Variants in PLCL2 observed in about 807,000 individuals in gnomAD.
PLCL2 encodes the protein phospholipase C like 2.
A neutral mutation model predicts 79.6 loss-of-function variants in PLCL2; 4 were observed. That is an observed-to-expected ratio of 0.05 (90% confidence interval 0.02 to 0.11). The LOEUF (loss-of-function observed/expected upper bound fraction) is 0.11, where lower values mean the gene tolerates loss of function less well. Ranked by LOEUF, PLCL2 falls within the 10% of genes least tolerant of loss-of-function variation. PLCL2 has a pLI of 1.00. For synonymous variants in PLCL2, 484 were observed against 457.7 expected, an observed-to-expected ratio of 1.06 and a Z score of -0.73; for missense variants, 895 against 1,291.0, an observed-to-expected ratio of 0.69 and a Z score of 4.70.
At chr3:16,997,037 AT>A (rs2064160597) in intron 1 of PLCL2, among the ~76,000 whole-genome samples, 2 of 152,244 alleles carry the variant, frequency 1.3e-5, no homozygotes, top group South Asian at 2.1e-4. Flanking sequence ...AAACAAAAAA[AT>A]GACTTATGCT....
At chr3:16,911,270 A>AG (rs955874879) in intron 1 of PLCL2, among the ~76,000 whole-genome samples, 4 of 151,920 alleles carry the variant, frequency 2.6e-5, no homozygotes, top group Admixed American at 6.5e-5. Flanking sequence ...AAAAAAAAAA[A>AG]AAAGTAATGA....
chr3:16,980,534 G>A (rs1157047778), intron 1 of PLCL2, among the ~76,000 whole-genome samples: 3 of 150,140 alleles, frequency 2.0e-5, no homozygotes, highest in Admixed American at 6.6e-5. Context: ...CATCTCAGAC[G>A]ATGGGCGGCC....
At chr3:17,031,592 G>C (rs2064583012) in intron 3 of PLCL2, among the ~76,000 whole-genome samples, 2 of 152,114 alleles carry the variant, frequency 1.3e-5, no homozygotes, top group South Asian at 2.1e-4. Context: ...GGTGACCATG[G>C]TGCAAAGCAA....
chr3:16,972,614 T>C (rs1342863605), intron 1 of PLCL2, among the ~76,000 whole-genome samples: 2 of 152,170 alleles, frequency 1.3e-5, no homozygotes, highest in Non-Finnish European at 2.9e-5. Context: ...CCCACTATTA[T>C]TGTGTGATTA....
chr3:17,052,537 T>C (rs549745867), intron 4 of PLCL2, among the ~76,000 whole-genome samples: 1 of 152,306 alleles, frequency 6.6e-6, no homozygotes, highest in East Asian at 1.9e-4. Flanking sequence ...GTGGAAGAAG[T>C]ACTGGTACTG....
intron 3 of PLCL2, among the ~76,000 whole-genome samples, chr3:17,034,806 C>G (rs553555078): frequency 2.2e-4 from 33 of 152,226 alleles, no homozygotes; most frequent in Non-Finnish European, 3.8e-4. Flanking sequence ...TCGCAGTTTC[C>G]AAGAAGCTGT....
At chr3:17,073,262 T>C (rs537568187) in intron 5 of PLCL2, among the ~76,000 whole-genome samples, 27 of 152,330 alleles carry the variant, frequency 1.8e-4, no homozygotes, top group African/African-American at 5.5e-4. Context: ...AGTCACATGA[T>C]TTTTTTGGTT....
intron 1 of PLCL2, among the ~76,000 whole-genome samples, chr3:16,929,431 G>A (rs545575648): frequency 6.6e-6 from 1 of 152,292 alleles, no homozygotes; most frequent in South Asian, 2.1e-4. Context: ...GAGCTTCCTG[G>A]TGAAGTTATC....
At chr3:16,954,273 G>T (rs975595889) in intron 1 of PLCL2, among the ~76,000 whole-genome samples, 3 of 152,102 alleles carry the variant, frequency 2.0e-5, no homozygotes, top group African/African-American at 7.2e-5. Flanking sequence ...GAGCACATGC[G>T]GTGTTTGGTT....
intron 1 of PLCL2, among the ~76,000 whole-genome samples, chr3:16,901,439 A>G (rs915184323): frequency 1.3e-5 from 2 of 152,238 alleles, no homozygotes; most frequent in African/African-American, 2.4e-5. Context: ...CGACTTGGGC[A>G]GTGCCCACAC....
chr3:16,926,019 C>T (rs961298910), intron 1 of PLCL2, among the ~76,000 whole-genome samples: 2 of 152,112 alleles, frequency 1.3e-5, no homozygotes, highest in African/African-American at 4.8e-5. Context: ...AAGGAGTGGG[C>T]CATATTGACT....
At chr3:16,900,926 C>T (rs1404261338) in intron 1 of PLCL2, among the ~76,000 whole-genome samples, 4 of 152,166 alleles carry the variant, frequency 2.6e-5, no homozygotes, top group Non-Finnish European at 4.4e-5. Flanking sequence ...AATGGAAACT[C>T]AGTATCATCA....
At chr3:17,069,921 G>A (rs1056645492) in intron 5 of PLCL2, among the ~76,000 whole-genome samples, 1 of 152,052 alleles carries the variant, frequency 6.6e-6, no homozygotes, top group African/African-American at 2.4e-5. Context: ...AATTTACAAC[G>A]AAAAAGGATT....
intron 4 of PLCL2, among the ~76,000 whole-genome samples, chr3:17,045,031 C>T (rs1008893388): frequency 6.6e-6 from 1 of 152,206 alleles, no homozygotes; most frequent in African/African-American, 2.4e-5. Flanking sequence ...AACGCCTACA[C>T]AGCCCTTCTG....
chr3:16,989,572 T>C (rs771410410), intron 1 of PLCL2, among the ~76,000 whole-genome samples: 1 of 152,094 alleles, frequency 6.6e-6, no homozygotes, highest in Non-Finnish European at 1.5e-5. Context: ...TGAAGTTTAT[T>C]TTACCTGTTT....
intron 1 of PLCL2, among the ~76,000 whole-genome samples, chr3:16,984,601 A>G (rs1011559408): frequency 1.3e-5 from 2 of 152,184 alleles, no homozygotes; most frequent in African/African-American, 4.8e-5. Flanking sequence ...GATGTCACCA[A>G]TAGCAAAAAA....
chr3:16,987,219 G>C (rs1231551595), intron 1 of PLCL2, among the ~76,000 whole-genome samples: 1 of 152,064 alleles, frequency 6.6e-6, no homozygotes, highest in Non-Finnish European at 1.5e-5. Flanking sequence ...GTGGACCCAG[G>C]TCTGTCAGGT....
intron 1 of PLCL2, among the ~76,000 whole-genome samples, chr3:16,912,844 G>A (rs1696913470): frequency 6.6e-6 from 1 of 152,140 alleles, no homozygotes; most frequent in African/African-American, 2.4e-5. Context: ...AGACATTGGT[G>A]TTGGAAGATG....
intron 1 of PLCL2, among the ~76,000 whole-genome samples, chr3:16,965,061 T>C (rs2063792981): frequency 6.6e-6 from 1 of 151,860 alleles, no homozygotes; most frequent in Admixed American, 6.6e-5. Context: ...TTTGTTGCCA[T>C]TGCTTTTGGT....
Sources: gnomAD v4.1 joint callset for allele counts (sites outside exome capture counted in the v4.1 genomes callset) on GRCh38, gnomAD v4.1.1 for gene constraint, MANE v1.5 for transcripts, NCBI Gene and HGNC (gene_info 2026-07-23, HGNC 2026-07-21) for gene names.